AP3B1: variants seen among roughly 807,000 people sequenced by gnomAD.
AP3B1 encodes AP-3 complex subunit beta-1.
In AP3B1, 61 loss-of-function variants were observed where a neutral mutation model predicts 132.5. The ratio of observed to expected loss-of-function variants is 0.46; its 90% CI spans 0.37 to 0.57. AP3B1 has a LOEUF of 0.57. AP3B1 is among the 20% of genes least tolerant of loss of function. The pLI, the probability that AP3B1 is intolerant of heterozygous loss-of-function variation, is 0.00. For synonymous variants in AP3B1, 388 were observed against 438.3 expected, an observed-to-expected ratio of 0.89 and a Z score of 1.43; for missense variants, 1,120 against 1,289.4, an observed-to-expected ratio of 0.87 and a Z score of 2.01.
At chr5:78,063,565 T>G (rs963288109) in intron 22 of AP3B1, among the ~76,000 whole-genome samples, 1 of 152,246 alleles carries the variant, frequency 6.6e-6, no homozygotes, top group Admixed American at 6.5e-5. Flanking sequence ...CTACATCTTC[T>G]TTTTTGAATC....
intron 3 of AP3B1, among the ~76,000 whole-genome samples, chr5:78,236,651 C>T (rs550988017): frequency 2.0e-5 from 3 of 152,188 alleles, no homozygotes; most frequent in African/African-American, 7.2e-5. Context: ...GAGGATAAAA[C>T]GGAGTAGATC....
intron 17 of AP3B1, among the ~76,000 whole-genome samples, chr5:78,120,212 A>C (rs1752103705): frequency 6.6e-6 from 1 of 152,224 alleles, no homozygotes; most frequent in South Asian, 2.1e-4. Flanking sequence ...GGAAAAGAAC[A>C]ACCAGTACCA....
intron 6 of AP3B1, among the ~76,000 whole-genome samples, chr5:78,223,834 T>A (rs1230168339): frequency 6.6e-6 from 1 of 152,198 alleles, no homozygotes; most frequent in Non-Finnish European, 1.5e-5. Flanking sequence ...GCCAGTTCTA[T>A]CTGATTCAAA....
chr5:78,286,114 T>G (rs550423339), intron 1 of AP3B1, among the ~76,000 whole-genome samples: 1 of 152,308 alleles, frequency 6.6e-6, no homozygotes, highest in African/African-American at 2.4e-5. Context: ...CTGCCCCTTA[T>G]CTCTCTGCCC....
chr5:78,060,907 C>T (rs942438942), intron 22 of AP3B1, among the ~76,000 whole-genome samples: 13 of 152,084 alleles, frequency 8.5e-5, no homozygotes, highest in Non-Finnish European at 1.6e-4. Flanking sequence ...CGATTCTACC[C>T]AAATTTTTCT....
intron 24 of AP3B1, among the ~76,000 whole-genome samples, chr5:78,028,179 T>C (rs1747417028): frequency 6.6e-6 from 1 of 151,058 alleles, no homozygotes; most frequent in African/African-American, 2.4e-5. Context: ...TAATTTTGGC[T>C]GGGTGCTGTG....
At chr5:78,284,861 G>A (rs1749203371) in intron 1 of AP3B1, among the ~76,000 whole-genome samples, 1 of 152,108 alleles carries the variant, frequency 6.6e-6, no homozygotes, top group Non-Finnish European at 1.5e-5. Flanking sequence ...CAGCAAACAA[G>A]ATAATACAGT....
At chr5:78,091,270 T>C (rs1750498330) in intron 21 of AP3B1, among the ~76,000 whole-genome samples, 1 of 121,464 alleles carries the variant, frequency 8.2e-6, no homozygotes, top group Admixed American at 8.5e-5. Flanking sequence ...GAGATACATG[T>C]ATTTGACAAA....
rs564320902 is a variant in AP3B1, at chr5:78,263,654, G to A, written c.204+3866C>T. On this transcript the variant is annotated intron_variant, in intron 2 of 26. Transcript: ENST00000255194. ...TCCACACCTGCTCTTTAACAGATAG[G>A]TTGAGGTAGTTTCCTCCTATTCCTA... Among the ~76,000 whole-genome samples, 6 of 152,240 alleles carry A rather than the reference G, an allele frequency of 3.9e-5. No individual in the cohort carries two copies. The South Asian group carries it at 1.2e-3, about 32-fold the overall frequency.
chr5:78,271,564 C>G (rs1171238799), intron 1 of AP3B1, among the ~76,000 whole-genome samples: 1 of 152,158 alleles, frequency 6.6e-6, no homozygotes, highest in Non-Finnish European at 1.5e-5. Flanking sequence ...ATCTCATTTA[C>G]CTTTAATTTA....
intron 26 of AP3B1, chr5:78,003,575 TAAC>T: frequency 3.5e-6 from 1 of 287,312 alleles, no homozygotes; most frequent in Non-Finnish European, 5.2e-6. Flanking sequence ...TTCACTCATG[TAAC>T]AATATTCAAA....
chr5:78,137,585 G>C (rs1752973405), intron 15 of AP3B1, among the ~76,000 whole-genome samples: 1 of 152,104 alleles, frequency 6.6e-6, no homozygotes, highest in African/African-American at 2.4e-5. Context: ...AAATAACTCT[G>C]TGCCATTTCC....
Position 78,149,928 on chromosome 5 carries a change from CTTTTTTTTT to C in AP3B1, c.1473+6321_1473+6329del, listed in dbSNP as rs368425320. On this transcript the variant is annotated intron_variant, in intron 14 of 26. Coordinates refer to ENST00000255194, the MANE Select transcript of AP3B1 (RefSeq NM_003664.5). ...TGCTAAATGACTCCTGTAAGCCATA[CTTTTTTTTT>C]TTTTTAGCTTTAAGATAAATGTGTA... Among the ~76,000 whole-genome samples, 1,273 of 144,158 alleles carry C rather than the reference CTTTTTTTTT, an allele frequency of 8.8e-3. 22 individuals are homozygous for C. Among genetic ancestry groups the C allele is most frequent in the African/African-American group, 0.031 (1,231 of 39,980 alleles). The allele number at this position is 144,158 out of a possible 152,430, so 94.6% of individuals were successfully genotyped here. A position where few individuals can be genotyped will look rare whatever the true frequency, so the allele number is the denominator to read the frequency against.
intron 1 of AP3B1, among the ~76,000 whole-genome samples, chr5:78,272,074 GAATCTT>G (rs1748569162): frequency 6.6e-6 from 1 of 152,188 alleles, no homozygotes; most frequent in African/African-American, 2.4e-5. Context: ...GACTTCATAA[GAATCTT>G]GGTTTCTACA....
chr5:78,058,107 T>C (rs1748891146), intron 22 of AP3B1, among the ~76,000 whole-genome samples: 2 of 152,216 alleles, frequency 1.3e-5, no homozygotes, highest in Non-Finnish European at 2.9e-5. Flanking sequence ...TTATATTTGA[T>C]GGTAAATAAA....
chr5:78,282,916 G>A (rs937971614), intron 1 of AP3B1, among the ~76,000 whole-genome samples: 1 of 151,686 alleles, frequency 6.6e-6, no homozygotes, highest in Non-Finnish European at 1.5e-5. Context: ...TCAGGAGGCT[G>A]AGGCAGAAGG....
At chr5:78,031,206 A>G (rs557499981) in intron 24 of AP3B1, among the ~76,000 whole-genome samples, 4 of 152,240 alleles carry the variant, frequency 2.6e-5, no homozygotes, top group East Asian at 1.9e-4. Flanking sequence ...GTTAGCAACT[A>G]TCATTACTAT....
chr5:78,100,383 A>G (rs1419182006), intron 21 of AP3B1, among the ~76,000 whole-genome samples: 1 of 152,212 alleles, frequency 6.6e-6, no homozygotes, highest in African/African-American at 2.4e-5. Context: ...GGGAGGTGGT[A>G]AATACATATA....
intron 1 of AP3B1, among the ~76,000 whole-genome samples, chr5:78,276,463 G>A (rs140072723): frequency 6.6e-6 from 1 of 152,158 alleles, no homozygotes; most frequent in East Asian, 1.9e-4. Flanking sequence ...TGGGGGAGGT[G>A]ACTCATGCCT....
Sources: allele counts gnomAD v4.1 joint callset (sites outside exome capture counted in the v4.1 genomes callset), GRCh38; gene constraint gnomAD v4.1.1; transcripts MANE v1.5; gene names NCBI Gene and HGNC (gene_info 2026-07-23, HGNC 2026-07-21).